The following CSMD3 variants were observed in gnomAD, a reference collection of about 807,000 sequenced individuals.
CSMD3 encodes the protein CUB and sushi domain-containing protein 3.
CSMD3 carries 177 observed loss-of-function variants against 435.2 expected under a neutral mutation model. The observed-to-expected ratio is 0.41, with a 90% CI of 0.36 to 0.46. The LOEUF (loss-of-function observed/expected upper bound fraction) is 0.46. Ranked by LOEUF, CSMD3 falls within the 20% of genes least tolerant of loss-of-function variation. The pLI is 0.34. For missense variants in CSMD3, 4,265 were observed against 4,504.6 expected (o/e 0.95, Z 1.52); for synonymous variants, 1,656 against 1,520.5 (o/e 1.09, Z -2.07).
At chr8:112,968,456 T>A (rs1002579194) in intron 7 of CSMD3, among the ~76,000 whole-genome samples, 1 of 151,528 alleles carries the variant, frequency 6.6e-6, no homozygotes, top group Admixed American at 6.6e-5. Flanking sequence ...TAGCACACAA[T>A]CTATATTTGA....
At chr8:112,325,767 T>C (rs1010774079) in intron 45 of CSMD3, among the ~76,000 whole-genome samples, 3 of 152,092 alleles carry the variant, frequency 2.0e-5, no homozygotes, top group Non-Finnish European at 2.9e-5. Flanking sequence ...CTCTTTGGGT[T>C]CGAATCTTAT....
intron 27 of CSMD3, among the ~76,000 whole-genome samples, chr8:112,542,747 T>C (rs1482899650): frequency 6.6e-6 from 1 of 151,968 alleles, no homozygotes; most frequent in Non-Finnish European, 1.5e-5. Context: ...CAAAAATAAC[T>C]TGAATAGTCA....
At chr8:112,584,282 TG>T (rs1311180501) in intron 23 of CSMD3, among the ~76,000 whole-genome samples, 3 of 151,604 alleles carry the variant, frequency 2.0e-5, no homozygotes, top group Non-Finnish European at 4.4e-5. Context: ...AATTCCCACA[TG>T]TAGAGGAACT....
intron 2 of CSMD3, among the ~76,000 whole-genome samples, chr8:113,301,291 A>G (rs1293394666): frequency 1.3e-5 from 2 of 152,126 alleles, no homozygotes. Flanking sequence ...ATATATTATT[A>G]TGAATAAATT....
chr8:113,022,027 C>A (rs2086700911), intron 5 of CSMD3, among the ~76,000 whole-genome samples: 1 of 152,120 alleles, frequency 6.6e-6, no homozygotes. Flanking sequence ...TTGAAAATCA[C>A]AGTCACTGAA....
chr8:113,030,269 A>G, intron 5 of CSMD3, among the ~76,000 whole-genome samples: 1 of 149,568 alleles, frequency 6.7e-6, no homozygotes, highest in East Asian at 1.9e-4. Context: ...CAGAATTAGA[A>G]AAAAAAAATC....
chr8:112,549,990 AACAAGTTAAAAC>A (rs1481163444), intron 27 of CSMD3, among the ~76,000 whole-genome samples: 1 of 152,066 alleles, frequency 6.6e-6, no homozygotes, highest in African/African-American at 2.4e-5. Context: ...AATGTGCATT[AACAAGTTAAAAC>A]AGCATTTAAA....
chr8:113,089,870 G>A (rs766338014), intron 5 of CSMD3, among the ~76,000 whole-genome samples: 12 of 151,720 alleles, frequency 7.9e-5, no homozygotes, highest in Non-Finnish European at 1.3e-4. Flanking sequence ...CAAACAAAGC[G>A]AAAAATAAAA....
intron 7 of CSMD3, among the ~76,000 whole-genome samples, chr8:112,959,546 A>G (rs1451611217): frequency 6.6e-6 from 1 of 151,808 alleles, no homozygotes; most frequent in Non-Finnish European, 1.5e-5. Context: ...GCTTCATTGT[A>G]ACCTTTCTTT....
intron 12 of CSMD3, among the ~76,000 whole-genome samples, chr8:112,816,064 C>T (rs926711845): frequency 2.6e-5 from 4 of 152,100 alleles, no homozygotes; most frequent in Middle Eastern, 3.2e-3. Flanking sequence ...CTAGGTGGGA[C>T]TACAGAGCTC....
chr8:112,444,323 C>T (rs1171459584), intron 32 of CSMD3, among the ~76,000 whole-genome samples: 4 of 152,150 alleles, frequency 2.6e-5, no homozygotes, highest in Non-Finnish European at 5.9e-5. Flanking sequence ...TTAACATACA[C>T]CTTCCCTGTG....
chr8:112,529,658 T>TCTGGCCAGGTTCTAGTTGG, intron 27 of CSMD3, among the ~76,000 whole-genome samples: 1 of 151,936 alleles, frequency 6.6e-6, no homozygotes. Flanking sequence ...TGGTAGAGAC[T>TCTGGCCAGGTTCTAGTTGG]CTAGAATCTC....
In CSMD3 at chr8:112,352,280, T is replaced by C. The variant is rs1005254445; in HGVS notation, c.6255+136A>G. ...TATTTCTCATGTGCATATTTTATTA[T>C]CAAATTGAGCACCCTTTTGACCTCA... On this transcript the variant is annotated intron_variant, in intron 39 of 70. Transcript: ENST00000297405. 3.0e-6 allele frequency: 4 copies of C among 1,325,362 alleles called. No homozygotes were observed. In the African/African-American group the frequency reaches 4.4e-5, roughly 14 times the overall value. 82.1% of individuals were successfully genotyped at this position (1,325,362 alleles called of 1,614,324 possible).
chr8:112,964,279 T>C (rs931563996), intron 7 of CSMD3, among the ~76,000 whole-genome samples: 2 of 151,976 alleles, frequency 1.3e-5, no homozygotes, highest in African/African-American at 2.4e-5. Context: ...CAGAACTCTC[T>C]CAAGTGCGTA....
chr8:113,416,788 T>C (rs1302731853), intron 1 of CSMD3, among the ~76,000 whole-genome samples: 2 of 152,142 alleles, frequency 1.3e-5, no homozygotes, highest in Non-Finnish European at 2.9e-5. Flanking sequence ...ACTACTTTTA[T>C]GGCAAAAGAG....
intron 10 of CSMD3, among the ~76,000 whole-genome samples, chr8:112,883,866 T>TAA (rs11424270): frequency 2.0e-5 from 3 of 151,542 alleles, no homozygotes; most frequent in African/African-American, 4.8e-5. Context: ...GAGATTAGTA[T>TAA]AAAAAATCAG....
At position 112,417,330 on chromosome 8, in the gene CSMD3, T is replaced by C. The variant is rs117249612; in HGVS notation, c.5396-8298A>G. Among the ~76,000 whole-genome samples, 926 of 152,194 alleles carry C rather than the reference T, an allele frequency of 6.1e-3. 4 individuals carry two copies. The highest frequency in any genetic ancestry group is 0.024 in the Middle Eastern group (7 of 294). On this transcript the variant is annotated intron_variant, in intron 32 of 70. Transcript: ENST00000297405. Reference sequence around the variant, plus strand: ...AGCCTCAGTTTCCTCATCTGTAAAATAGGGATAATAAAAGTACCTGACCTC... The same window carrying C: ...AGCCTCAGTTTCCTCATCTGTAAAACAGGGATAATAAAAGTACCTGACCTC...
chr8:112,975,382 TACTA>T (rs1404465912), intron 7 of CSMD3, among the ~76,000 whole-genome samples: 3 of 152,084 alleles, frequency 2.0e-5, no homozygotes, highest in African/African-American at 4.8e-5. Context: ...TATTCTCAAG[TACTA>T]ACTAACATTT....
At chr8:112,716,293 G>T (rs1337910633) in intron 13 of CSMD3, among the ~76,000 whole-genome samples, 1 of 152,064 alleles carries the variant, frequency 6.6e-6, no homozygotes, top group African/African-American at 2.4e-5. Context: ...GATAAGCAGA[G>T]AGCCACAACA....
Sources: gnomAD v4.1 joint callset for allele counts (sites outside exome capture counted in the v4.1 genomes callset) on GRCh38, gnomAD v4.1.1 for gene constraint, MANE v1.5 for transcripts, NCBI Gene and HGNC (gene_info 2026-07-23, HGNC 2026-07-21) for gene names.